Variants in SLC9B1 observed in about 807,000 individuals in gnomAD.
The protein encoded by SLC9B1 is solute carrier family 9 member B1.
In SLC9B1, 32 loss-of-function variants were observed where a neutral mutation model predicts 51.7. That is an observed-to-expected ratio of 0.62 (90% CI 0.47 to 0.83). The LOEUF is 0.83. Among genes scored for constraint, SLC9B1 ranks in the 40% least tolerant of loss-of-function variants. SLC9B1 has a pLI of 0.00. For synonymous variants in SLC9B1, 145 were observed against 212.7 expected, an observed-to-expected ratio of 0.68 and a Z score of 2.77; for missense variants, 406 against 613.2, an observed-to-expected ratio of 0.66 and a Z score of 3.57.
intron 1 of SLC9B1, among the ~76,000 whole-genome samples, chr4:103,011,287 T>C (rs896975548): frequency 3.3e-5 from 5 of 152,246 alleles, no homozygotes; most frequent in Admixed American, 2.0e-4. Flanking sequence ...TGACTCCATG[T>C]CCTGCCTTCT....
intron 3 of SLC9B1, among the ~76,000 whole-genome samples, chr4:102,957,826 T>A (rs1329609104): frequency 6.6e-6 from 1 of 151,948 alleles, no homozygotes; most frequent in African/African-American, 2.4e-5. Flanking sequence ...CATCTCTTTT[T>A]TAAAAAAAGC....
chr4:102,941,736 G>A (rs374435128), intron 6 of SLC9B1, among the ~76,000 whole-genome samples: 236 of 149,592 alleles, frequency 1.6e-3, no homozygotes, highest in African/African-American at 5.2e-3. Flanking sequence ...GCATTCCCCC[G>A]AGAACTGGAA....
chr4:102,995,249 A>G (rs1252121474), intron 1 of SLC9B1, among the ~76,000 whole-genome samples: 1 of 152,206 alleles, frequency 6.6e-6, no homozygotes, highest in Non-Finnish European at 1.5e-5. Flanking sequence ...CATGGATCTT[A>G]TACTCTTGTT....
intron 3 of SLC9B1, among the ~76,000 whole-genome samples, chr4:102,951,164 G>A (rs1403664150): frequency 6.6e-6 from 1 of 152,152 alleles, no homozygotes; most frequent in East Asian, 1.9e-4. Context: ...TCCAACTTAT[G>A]TGTAGGGCTC....
At chr4:102,999,688 G>T (rs76718101) in intron 1 of SLC9B1, among the ~76,000 whole-genome samples, 1 of 152,176 alleles carries the variant, frequency 6.6e-6, no homozygotes, top group Non-Finnish European at 1.5e-5. Flanking sequence ...GAGCTCAGTT[G>T]ATAGCTTTGT....
chr4:103,016,872 T>C (rs1424934269), intron 1 of SLC9B1: 1 of 152,310 alleles, frequency 6.6e-6, no homozygotes, highest in East Asian at 1.9e-4. Flanking sequence ...TGCAATGTTA[T>C]CGGTGAGCAC....
At chr4:102,942,146 C>T (rs1737034680) in intron 6 of SLC9B1, among the ~76,000 whole-genome samples, 3 of 152,008 alleles carry the variant, frequency 2.0e-5, no homozygotes, top group African/African-American at 7.2e-5. Context: ...ATATACCTAA[C>T]CAAGGAGGTG....
intron 6 of SLC9B1, among the ~76,000 whole-genome samples, chr4:102,934,040 G>A (rs1175014338): frequency 6.6e-6 from 1 of 152,122 alleles, no homozygotes; most frequent in East Asian, 1.9e-4. Flanking sequence ...CAAAGTGCTG[G>A]GATTATAGGT....
intron 3 of SLC9B1, among the ~76,000 whole-genome samples, chr4:102,979,360 CTT>C (rs1269436121): frequency 8.5e-5 from 13 of 152,144 alleles, no homozygotes; most frequent in African/African-American, 2.9e-4. Flanking sequence ...AAACTCTCCT[CTT>C]TTCATTTGTT....
intron 4 of SLC9B1, among the ~76,000 whole-genome samples, chr4:102,948,705 A>G (rs1266545075): frequency 6.6e-6 from 1 of 152,188 alleles, no homozygotes; most frequent in Non-Finnish European, 1.5e-5. Context: ...AAGTGAAACA[A>G]CTCAGAAACA....
At chr4:102,930,491 G>A (rs980918407) in intron 7 of SLC9B1, among the ~76,000 whole-genome samples, 6 of 152,146 alleles carry the variant, frequency 3.9e-5, no homozygotes, top group East Asian at 3.9e-4. Flanking sequence ...TACGGCCTCC[G>A]CCTCCTGGGT....
At chr4:103,001,886 G>T (rs1031885980) in intron 1 of SLC9B1, among the ~76,000 whole-genome samples, 1 of 152,158 alleles carries the variant, frequency 6.6e-6, no homozygotes, top group East Asian at 1.9e-4. Context: ...AACAAAAGAG[G>T]TTTAACTGAC....
rs548822087 is a variant in SLC9B1 at position 102,974,311 on chromosome 4, A to C, written c.211+15489T>G. Among the ~76,000 whole-genome samples the C allele has an allele frequency of 2.0e-5, 3 of 150,698 alleles. No homozygotes were observed. The South Asian group carries it at 6.3e-4, about 32-fold the overall frequency. ...AATAAATTAAAGGAAATAAGGCAAA[A>C]AGTAGAAATAGACATTAATAAACTA... On this transcript the variant is annotated intron_variant, in intron 3 of 11. Coordinates refer to ENST00000296422, the MANE Select transcript of SLC9B1 (RefSeq NM_139173.4).
At chr4:102,978,805 C>T (rs1252668966) in intron 3 of SLC9B1, among the ~76,000 whole-genome samples, 5 of 152,172 alleles carry the variant, frequency 3.3e-5, no homozygotes, top group Admixed American at 3.3e-4. Flanking sequence ...CCGGCAATCC[C>T]ATTACTGGGT....
chr4:102,961,357 C>CA, intron 3 of SLC9B1, among the ~76,000 whole-genome samples: 1 of 152,390 alleles, frequency 6.6e-6, no homozygotes, highest in South Asian at 2.1e-4. Flanking sequence ...TTACTTTTTC[C>CA]ACCAAGCAAA....
intron 11 of SLC9B1, chr4:102,887,295 G>A (rs1355170281): frequency 9.0e-7 from 1 of 1,111,284 alleles, no homozygotes; most frequent in African/African-American, 1.6e-5. Flanking sequence ...TCTACCTAAT[G>A]AATCATATTT....
At chr4:102,992,595 CT>C (rs1330825208) in intron 1 of SLC9B1, among the ~76,000 whole-genome samples, 1 of 152,124 alleles carries the variant, frequency 6.6e-6, no homozygotes, top group East Asian at 1.9e-4. Flanking sequence ...TAAAATATTA[CT>C]GCATAAAATC....
At chr4:102,968,244 T>C (rs190784605) in intron 3 of SLC9B1, among the ~76,000 whole-genome samples, 4 of 152,274 alleles carry the variant, frequency 2.6e-5, no homozygotes, top group East Asian at 3.9e-4. Flanking sequence ...GACAATTCAA[T>C]AGGAAAAAGA....
intron 7 of SLC9B1, among the ~76,000 whole-genome samples, chr4:102,921,184 G>A (rs971207108): frequency 2.3e-4 from 35 of 152,340 alleles, no homozygotes; most frequent in African/African-American, 8.2e-4. Flanking sequence ...AGCCAGAAAG[G>A]GAAGCCCATC....
Sources: allele counts gnomAD v4.1 joint callset (sites outside exome capture counted in the v4.1 genomes callset), GRCh38; gene constraint gnomAD v4.1.1; transcripts MANE v1.5; gene names NCBI Gene and HGNC (gene_info 2026-07-23, HGNC 2026-07-21).